Variants in BICD1 observed in about 807,000 individuals in gnomAD.
The protein encoded by BICD1 is BICD cargo adaptor 1, also known as protein bicaudal D homolog 1.
In BICD1, 35 loss-of-function variants were observed where a neutral mutation model predicts 92.5. The ratio of observed to expected loss-of-function variants is 0.38; its 90% CI spans 0.29 to 0.50. The LOEUF is 0.50. Ranked by LOEUF, BICD1 falls within the 20% of genes least tolerant of loss-of-function variation. The pLI, the probability that BICD1 is intolerant of heterozygous loss-of-function variation, is 0.93. For missense variants in BICD1, 950 were observed against 1,189.8 expected, an observed-to-expected ratio of 0.80 and a Z score of 2.97; for synonymous variants, 429 against 465.1, an observed-to-expected ratio of 0.92 and a Z score of 1.00.
intron 1 of BICD1, among the ~76,000 whole-genome samples, chr12:32,141,818 A>G (rs775036164): frequency 6.6e-6 from 1 of 152,102 alleles, no homozygotes; most frequent in African/African-American, 2.4e-5. Flanking sequence ...TCCCGAAGCC[A>G]GTGGTTTTCT....
intron 1 of BICD1, among the ~76,000 whole-genome samples, chr12:32,121,740 A>T (rs899475429): frequency 2.0e-5 from 3 of 152,186 alleles, no homozygotes; most frequent in Non-Finnish European, 4.4e-5. Flanking sequence ...TATCTCAAAC[A>T]AACAAACAAA....
rs1237558896 is a variant in BICD1, at chr12:32,379,112, T to C, written c.*1485T>C. The stretch of plus-strand genomic sequence containing the variant: ...GGTTTGACCTTTTCATATAAAGACA[T>C]CTGTAACTTCTCTTCAAAACAAAAA... On this transcript the variant is annotated 3_prime_UTR_variant, in exon 10 of 10. Coordinates refer to ENST00000652176, the MANE Select transcript of BICD1 (RefSeq NM_001714.4). 1 of 152,200 alleles carries C rather than the reference T, an allele frequency of 6.6e-6. No homozygotes were observed. Among genetic ancestry groups the C allele is most frequent in the Non-Finnish European group, 1.5e-5 (1 of 68,042 alleles). 9.4% of individuals were successfully genotyped at this position (152,200 alleles called of 1,614,324 possible).
intron 2 of BICD1, among the ~76,000 whole-genome samples, chr12:32,277,066 T>C (rs1343978867): frequency 2.0e-5 from 3 of 152,196 alleles, no homozygotes; most frequent in East Asian, 1.9e-4. Flanking sequence ...CCCAGGTCCA[T>C]GTCCAGAACT....
At chr12:32,185,580 A>G (rs1473408172) in intron 1 of BICD1, among the ~76,000 whole-genome samples, 1 of 152,220 alleles carries the variant, frequency 6.6e-6, no homozygotes, top group Admixed American at 6.5e-5. Context: ...TTAAAGCTTC[A>G]GCTTCAAAGC....
chr12:32,199,258 A>G (rs899119186), intron 1 of BICD1, among the ~76,000 whole-genome samples: 1 of 152,236 alleles, frequency 6.6e-6, no homozygotes, highest in African/African-American at 2.4e-5. Context: ...TTCAAATAAG[A>G]GTTGCTTAAG....
At chr12:32,110,346 G>A (rs1941639548) in intron 1 of BICD1, among the ~76,000 whole-genome samples, 1 of 152,106 alleles carries the variant, frequency 6.6e-6, no homozygotes, top group Non-Finnish European at 1.5e-5. Flanking sequence ...GTTGTTTAGT[G>A]CTCTGCATGG....
At position 32,153,519 on chromosome 12, in the gene BICD1, G is replaced by A. The variant is rs1021508020; in HGVS notation, c.213+45975G>A. Reference sequence around the variant, plus strand: ...AGAACATTAAATCAGTTAAGATGGAGGCCAAGGCGGGTGGATCACTGGAGC... The same window carrying A: ...AGAACATTAAATCAGTTAAGATGGAAGCCAAGGCGGGTGGATCACTGGAGC... On this transcript the variant is annotated intron_variant, in intron 1 of 9. Coordinates refer to ENST00000652176, the MANE Select transcript of BICD1 (RefSeq NM_001714.4). Among the ~76,000 whole-genome samples, 3 of 152,264 alleles carry A rather than the reference G, an allele frequency of 2.0e-5. No individual in the cohort carries two copies. The East Asian group carries it at 5.8e-4, about 29-fold the overall frequency.
intron 8 of BICD1, among the ~76,000 whole-genome samples, chr12:32,346,317 G>C (rs1044094691): frequency 1.3e-5 from 2 of 150,822 alleles, no homozygotes; most frequent in Non-Finnish European, 3.0e-5. Flanking sequence ...AAGAGTTCGA[G>C]ACCAGCCTGG....
chr12:32,315,316 A>G (rs1020314604), intron 4 of BICD1, among the ~76,000 whole-genome samples: 12 of 152,166 alleles, frequency 7.9e-5, no homozygotes, highest in Admixed American at 7.9e-4. Context: ...ATTCTATTCC[A>G]TTAATTTATA....
chr12:32,327,528 AG>A lies in BICD1; in HGVS notation c.1078del (p.Ala360HisfsTer2). Reference sequence around the variant, plus strand: ...TCACAGACACAGCTGGAACACACCAAGGGGGCACTGACGGAGCAGCATGAGC... The same window carrying A: ...TCACAGACACAGCTGGAACACACCAAGGGGCACTGACGGAGCAGCATGAGC... ...QESQTQLEHT[K>X]GALTEQHERV... On this transcript the variant is annotated frameshift_variant, in exon 5 of 10. Coordinates refer to ENST00000652176, the MANE Select transcript of BICD1 (RefSeq NM_001714.4). LOFTEE classifies it high-confidence loss of function. The A allele has an allele frequency of 3.1e-6, 5 of 1,614,164 alleles. No homozygotes were observed. The highest frequency in any genetic ancestry group is 3.4e-6 in the Non-Finnish European group (4 of 1,180,022).
intron 2 of BICD1, among the ~76,000 whole-genome samples, chr12:32,258,118 G>T (rs1237955366): frequency 6.6e-6 from 1 of 152,172 alleles, no homozygotes; most frequent in African/African-American, 2.4e-5. Context: ...ATTTTCCATA[G>T]TGGTTGTACC....
intron 8 of BICD1, chr12:32,340,350 A>G: frequency 1.0e-6 from 1 of 985,358 alleles, no homozygotes; most frequent in African/African-American, 1.7e-5. Context: ...TTCATAACTG[A>G]TTTCCTATTG....
intron 1 of BICD1, among the ~76,000 whole-genome samples, chr12:32,201,243 A>G (rs74072005): frequency 0.031 from 4,788 of 152,296 alleles, 250 homozygotes; most frequent in African/African-American, 0.11. Context: ...ACTCTGATCT[A>G]GGAGGATTGT....
chr12:32,229,577 G>A (rs886748081), intron 2 of BICD1, among the ~76,000 whole-genome samples: 7 of 152,202 alleles, frequency 4.6e-5, no homozygotes, highest in African/African-American at 1.2e-4. Context: ...TTGGGTTTAC[G>A]AACAAGGGGT....
intron 1 of BICD1, among the ~76,000 whole-genome samples, chr12:32,116,722 G>C (rs1056872229): frequency 4.6e-5 from 7 of 150,802 alleles, no homozygotes; most frequent in African/African-American, 1.7e-4. Context: ...TTTTACTGGA[G>C]GCTCAGGTGG....
intron 2 of BICD1, among the ~76,000 whole-genome samples, chr12:32,223,167 CT>C (rs1172899764): frequency 2.6e-5 from 4 of 152,204 alleles, no homozygotes; most frequent in Non-Finnish European, 5.9e-5. Context: ...AAACTAACCT[CT>C]GCTGGTTTCA....
At chr12:32,349,838 C>G (rs1039095034) in intron 8 of BICD1, among the ~76,000 whole-genome samples, 3 of 152,160 alleles carry the variant, frequency 2.0e-5, no homozygotes, top group Admixed American at 6.5e-5. Context: ...TTGCTGAATT[C>G]TGACAACGTG....
intron 1 of BICD1, among the ~76,000 whole-genome samples, chr12:32,167,103 C>A (rs1475760028): frequency 6.6e-6 from 1 of 152,096 alleles, no homozygotes; most frequent in Non-Finnish European, 1.5e-5. Flanking sequence ...TGTTTTAAGT[C>A]GATTCAGGAA....
Position 32,118,282 on chromosome 12 carries a change from C to T in BICD1, c.213+10738C>T, listed in dbSNP as rs997687965. On this transcript the variant is annotated intron_variant, in intron 1 of 9. Coordinates refer to ENST00000652176, the MANE Select transcript of BICD1 (RefSeq NM_001714.4). Reference sequence around the variant, plus strand: ...ATTTTTAGTACAGATGGGGTTTCACCGTGTTAGCCAGGATGGTCTCGATCT... The same window carrying T: ...ATTTTTAGTACAGATGGGGTTTCACTGTGTTAGCCAGGATGGTCTCGATCT... Among the ~76,000 whole-genome samples, 9 of 149,544 alleles carry T rather than the reference C, an allele frequency of 6.0e-5. No homozygotes were observed. The East Asian group carries it at 1.2e-3, about 20-fold the overall frequency.
Sources: gnomAD v4.1 joint callset for allele counts (sites outside exome capture counted in the v4.1 genomes callset) on GRCh38, gnomAD v4.1.1 for gene constraint, MANE v1.5 for transcripts, NCBI Gene and HGNC (gene_info 2026-07-23, HGNC 2026-07-21) for gene names.